Variants in FUT8 observed in about 807,000 individuals in gnomAD.
The protein encoded by FUT8 is alpha-(1,6)-fucosyltransferase.
A neutral mutation model predicts 71.3 loss-of-function variants in FUT8; 29 were observed. The observed-to-expected ratio is 0.41, with a 90% CI of 0.30 to 0.55. The LOEUF (loss-of-function observed/expected upper bound fraction) is 0.55, where lower values mean the gene tolerates loss of function less well. Ranked by LOEUF, FUT8 falls within the 20% of genes least tolerant of loss-of-function variation. The pLI is 0.34. For synonymous variants in FUT8, 254 were observed against 239.3 expected, an observed-to-expected ratio of 1.06 and a Z score of -0.57; for missense variants, 544 against 702.1, an observed-to-expected ratio of 0.77 and a Z score of 2.55.
intron 2 of FUT8, among the ~76,000 whole-genome samples, chr14:65,527,209 G>A (rs1418015604): frequency 3.3e-5 from 5 of 152,294 alleles, no homozygotes; most frequent in Non-Finnish European, 5.9e-5. Context: ...CCAATCAGAC[G>A]TAGATTTGGT....
chr14:65,439,038 A>G (rs1292472272), intron 1 of FUT8, among the ~76,000 whole-genome samples: 1 of 152,198 alleles, frequency 6.6e-6, no homozygotes, highest in Non-Finnish European at 1.5e-5. Flanking sequence ...TAGTTGATAC[A>G]GATTGGTTTG....
chr14:65,383,233 A>G, the FUT8 span, among the ~76,000 whole-genome samples: 18 of 148,266 alleles, frequency 1.2e-4, no homozygotes, highest in Admixed American at 3.4e-4. Flanking sequence ...GTACTCAATA[A>G]CCACCATTGG....
At chr14:65,721,095 T>TCA (rs1348689347) in intron 7 of FUT8, among the ~76,000 whole-genome samples, 1 of 152,166 alleles carries the variant, frequency 6.6e-6, no homozygotes, top group Non-Finnish European at 1.5e-5. Context: ...GAAGTTAAAA[T>TCA]CAGGTACTGT....
At chr14:65,393,242 A>G in the FUT8 span, among the ~76,000 whole-genome samples, 2 of 152,200 alleles carry the variant, frequency 1.3e-5, no homozygotes, top group African/African-American at 2.4e-5. Context: ...GATAACCTAG[A>G]TGGAGGTGGC....
chr14:65,433,465 T>C (rs2065507076), intron 1 of FUT8, among the ~76,000 whole-genome samples: 1 of 152,220 alleles, frequency 6.6e-6, no homozygotes, highest in Non-Finnish European at 1.5e-5. Context: ...CTTACTGCAG[T>C]TGTGTGCTTT....
chr14:65,544,217 A>ATC (rs1361572348), intron 2 of FUT8, among the ~76,000 whole-genome samples: 5 of 152,190 alleles, frequency 3.3e-5, no homozygotes, highest in Non-Finnish European at 7.4e-5. Context: ...CAGAAGGCTG[A>ATC]TCTACTTGGT....
intron 1 of FUT8, among the ~76,000 whole-genome samples, chr14:65,451,500 C>T (rs548371796): frequency 6.6e-6 from 1 of 152,312 alleles, no homozygotes; most frequent in African/African-American, 2.4e-5. Flanking sequence ...ACTCAGTGGA[C>T]CCTTTGCCTT....
In FUT8 at chr14:65,413,553, G is replaced by T. The variant is rs1307904451; in HGVS notation, c.-326+339G>T. Among the ~76,000 whole-genome samples the T allele has an allele frequency of 2.0e-5, 3 of 152,152 alleles. No individual in the cohort carries two copies. The highest frequency in any genetic ancestry group is 4.4e-5 in the Non-Finnish European group (3 of 68,018). On this transcript the variant is annotated intron_variant, in intron 1 of 10. Transcript: ENST00000673929. This position sits in a 1 kb window ranked among gnomAD's most constrained non-coding sequence, Gnocchi z 4.1. The stretch of plus-strand genomic sequence containing the variant: ...AGGGAAGGAGAAGGGTTGGGGGCGG[G>T]GGTGGGAGGTGTCCGTCGTTTCCCC...
intron 7 of FUT8, among the ~76,000 whole-genome samples, chr14:65,714,546 G>C (rs1419959597): frequency 6.6e-6 from 1 of 151,858 alleles, no homozygotes; most frequent in African/African-American, 2.4e-5. Flanking sequence ...GCCTTCCAAA[G>C]TGTTAGGATT....
intron 2 of FUT8, among the ~76,000 whole-genome samples, chr14:65,496,212 T>A (rs1838508343): frequency 6.6e-6 from 1 of 152,210 alleles, no homozygotes; most frequent in Non-Finnish European, 1.5e-5. Context: ...GATTTTGGAA[T>A]AGATTCCTTT....
rs1359040000 is a variant in FUT8 at position 65,563,244 on chromosome 14, A to AT, written c.203+1481dup. ...TATTCATTCATTCTAAAGATTGATAATTTAGGGGTTAGTAATAATAGCTGT... is the reference window on the plus strand; with the variant it reads ...TATTCATTCATTCTAAAGATTGATAATTTTAGGGGTTAGTAATAATAGCTGT... On this transcript the variant is annotated intron_variant, in intron 3 of 10. Transcript: ENST00000673929. 2.6e-5 allele frequency among the ~76,000 whole-genome samples: 4 copies of AT among 152,096 alleles called. No homozygotes were observed. In the East Asian group the frequency reaches 7.7e-4, roughly 29 times the overall value.
At chr14:65,523,162 A>G (rs1216613067) in intron 2 of FUT8, among the ~76,000 whole-genome samples, 3 of 152,182 alleles carry the variant, frequency 2.0e-5, no homozygotes, top group African/African-American at 2.4e-5. Context: ...GTCTTCCACA[A>G]TGGTTGAACT....
chr14:65,611,088 G>A (rs1888862644), intron 3 of FUT8, among the ~76,000 whole-genome samples: 1 of 151,250 alleles, frequency 6.6e-6, no homozygotes, highest in African/African-American at 2.4e-5. Flanking sequence ...GGCAAACTAT[G>A]GCTCATGGGT....
chr14:65,594,354 C>T (rs779914943), intron 3 of FUT8, among the ~76,000 whole-genome samples: 2 of 152,192 alleles, frequency 1.3e-5, no homozygotes, highest in Non-Finnish European at 2.9e-5. Context: ...GCTGCTTCAG[C>T]GATGACAGGA....
the FUT8 span, among the ~76,000 whole-genome samples, chr14:65,360,364 T>C: frequency 2.0e-5 from 3 of 152,246 alleles, no homozygotes; most frequent in Admixed American, 1.3e-4. Flanking sequence ...ATGTGGTAAG[T>C]GTACTGATTA....
intron 3 of FUT8, among the ~76,000 whole-genome samples, chr14:65,596,156 T>C (rs1887967497): frequency 6.6e-6 from 1 of 151,924 alleles, no homozygotes; most frequent in African/African-American, 2.4e-5. Context: ...CTCTGTGGGG[T>C]TTTTTTACCC....
At chr14:65,563,712 T>G (rs561420929) in intron 3 of FUT8, among the ~76,000 whole-genome samples, 1 of 152,066 alleles carries the variant, frequency 6.6e-6, no homozygotes, top group South Asian at 2.1e-4. Context: ...GGTTCCATCT[T>G]CAATACTGAT....
At chr14:65,741,245 A>G (rs1896480157) in intron 10 of FUT8, among the ~76,000 whole-genome samples, 2 of 152,016 alleles carry the variant, frequency 1.3e-5, no homozygotes, top group East Asian at 1.9e-4. Flanking sequence ...CCTTAAAACT[A>G]TAGTAATCAG....
chr14:65,406,830 G>A (rs1380568200), upstream of FUT8, among the ~76,000 whole-genome samples: 3 of 152,212 alleles, frequency 2.0e-5, no homozygotes, highest in East Asian at 5.8e-4. Context: ...GAGCCACAGC[G>A]CCTGGCCTGG....
Sources: gnomAD v4.1 joint callset for allele counts (sites outside exome capture counted in the v4.1 genomes callset) on GRCh38, gnomAD v4.1.1 for gene constraint, Gnocchi (gnomAD v3.1) non-coding constraint, MANE v1.5 for transcripts, NCBI Gene and HGNC (gene_info 2026-07-23, HGNC 2026-07-21) for gene names.